GUCY1A2: variants seen among roughly 807,000 people sequenced by gnomAD.
The protein encoded by GUCY1A2 is guanylate cyclase 1 soluble subunit alpha 2.
A neutral mutation model predicts 63.5 loss-of-function variants in GUCY1A2; 27 were observed. That is an observed-to-expected ratio of 0.43 (90% CI 0.31 to 0.59). The LOEUF (loss-of-function observed/expected upper bound fraction) is 0.59. Ranked by LOEUF, GUCY1A2 falls within the 20% of genes least tolerant of loss-of-function variation. GUCY1A2 has a pLI of 0.11. For missense variants in GUCY1A2, 768 were observed against 913.3 expected, an observed-to-expected ratio of 0.84 and a Z score of 2.05; for synonymous variants, 364 against 343.5, an observed-to-expected ratio of 1.06 and a Z score of -0.66.
chr11:106,741,206 G>A (rs1863689007), intron 6 of GUCY1A2, among the ~76,000 whole-genome samples: 1 of 152,206 alleles, frequency 6.6e-6, no homozygotes, highest in African/African-American at 2.4e-5. Flanking sequence ...AGTTCAAACT[G>A]TAATCAAATT....
chr11:106,925,189 C>G (rs892585039), intron 4 of GUCY1A2, among the ~76,000 whole-genome samples: 3 of 151,684 alleles, frequency 2.0e-5, no homozygotes, highest in Non-Finnish European at 2.9e-5. Context: ...GAAAGAAAGA[C>G]AGAGAGAGAG....
At chr11:106,953,038 T>C (rs1484477298) in intron 3 of GUCY1A2, among the ~76,000 whole-genome samples, 3 of 152,200 alleles carry the variant, frequency 2.0e-5, no homozygotes, top group Non-Finnish European at 2.9e-5. Flanking sequence ...TCTTGCCTGA[T>C]TGCCCTGGCC....
At chr11:106,956,509 CTTGT>C (rs969005329) in intron 3 of GUCY1A2, among the ~76,000 whole-genome samples, 16 of 152,036 alleles carry the variant, frequency 1.1e-4, no homozygotes, top group African/African-American at 3.9e-4. Context: ...TCACTTTCTG[CTTGT>C]TTTTCTTTCA....
intron 5 of GUCY1A2, among the ~76,000 whole-genome samples, chr11:106,796,028 C>A (rs1019696698): frequency 6.6e-6 from 1 of 152,136 alleles, no homozygotes; most frequent in Non-Finnish European, 1.5e-5. Context: ...ATAGTTAGCT[C>A]TTCTTGTTGA....
At chr11:106,774,242 C>T (rs1864314164) in intron 6 of GUCY1A2, among the ~76,000 whole-genome samples, 1 of 152,008 alleles carries the variant, frequency 6.6e-6, no homozygotes, top group South Asian at 2.1e-4. Flanking sequence ...ACGCCATTCT[C>T]TGCCTCAGCC....
At chr11:106,892,115 G>A (rs190073428) in intron 4 of GUCY1A2, among the ~76,000 whole-genome samples, 1 of 151,960 alleles carries the variant, frequency 6.6e-6, no homozygotes, top group African/African-American at 2.4e-5. Flanking sequence ...ATTATTTTAG[G>A]TATTGGCATC....
chr11:106,722,629 G>A (rs1305712830), intron 6 of GUCY1A2, among the ~76,000 whole-genome samples: 4 of 152,018 alleles, frequency 2.6e-5, no homozygotes. Flanking sequence ...AAGCTCTGAA[G>A]TTTGAAATAA....
At chr11:106,938,265 T>A (rs1005543318) in intron 4 of GUCY1A2, among the ~76,000 whole-genome samples, 24 of 152,202 alleles carry the variant, frequency 1.6e-4, no homozygotes, top group Middle Eastern at 3.4e-3. Flanking sequence ...ATATTTTTTT[T>A]AAAAAACTTT....
chr11:106,784,930 A>G (rs981281995), intron 5 of GUCY1A2, among the ~76,000 whole-genome samples: 2 of 152,222 alleles, frequency 1.3e-5, no homozygotes, highest in Non-Finnish European at 2.9e-5. Flanking sequence ...ATGGGCATTA[A>G]TCTGTCATAT....
intron 5 of GUCY1A2, among the ~76,000 whole-genome samples, chr11:106,778,767 A>C (rs1365347922): frequency 6.6e-6 from 1 of 152,146 alleles, no homozygotes; most frequent in East Asian, 1.9e-4. Context: ...TATTTATTGA[A>C]TATTTGCTAA....
At chr11:106,961,639 T>G (rs1199841496) in intron 3 of GUCY1A2, among the ~76,000 whole-genome samples, 1 of 152,236 alleles carries the variant, frequency 6.6e-6, no homozygotes, top group Non-Finnish European at 1.5e-5. Context: ...AAAATGCTTC[T>G]TAAGTGTGCT....
rs532175715 is a variant in GUCY1A2 at position 106,847,241 on chromosome 11, A to T, written c.1207-36763T>A. Among the ~76,000 whole-genome samples, 1,207 of 143,556 alleles carry T rather than the reference A, an allele frequency of 8.4e-3. 13 individuals carry two copies. Among genetic ancestry groups the T allele is most frequent in the African/African-American group, 0.025 (992 of 39,546 alleles). The allele number at this position is 143,556 out of a possible 152,430, so 94.2% of individuals were successfully genotyped here. A position where few individuals can be genotyped will look rare whatever the true frequency, so the allele number is the denominator to read the frequency against. On this transcript the variant is annotated intron_variant, in intron 4 of 7. Coordinates refer to ENST00000526355, the MANE Select transcript of GUCY1A2 (RefSeq NM_000855.3). ...TGATATTGCAAAACTCAAAAAAAAA[A>T]ATATATATATATATATAAAAAATTG... is the stretch of plus-strand genomic sequence containing the variant.
Position 106,676,750 on chromosome 11 carries a change from A to ATT in GUCY1A2, c.*10797_*10798dup. The ATT allele has an allele frequency of 1.6e-5, 3 of 188,254 alleles. No homozygotes were observed. Among genetic ancestry groups the ATT allele is most frequent in the East Asian group, 8.6e-5 (1 of 11,636 alleles). The allele number at this position is 188,254 out of a possible 1,614,324, so 11.7% of individuals were successfully genotyped here. On this transcript the variant is annotated 3_prime_UTR_variant, in exon 8 of 8. Coordinates refer to ENST00000526355, the MANE Select transcript of GUCY1A2 (RefSeq NM_000855.3). The stretch of plus-strand genomic sequence containing the variant: ...CAATTTCCCTACAAACAGAAAAAGC[A>ATT]TTTTTTTTTTCTATTTCAGTCTTTA...
Position 106,925,930 on chromosome 11 carries a change from T to C in GUCY1A2, c.1206+13530A>G, listed in dbSNP as rs573571358. Among the ~76,000 whole-genome samples, 32 of 152,306 alleles carry C rather than the reference T, an allele frequency of 2.1e-4. 1 individual carries two copies. The South Asian group carries it at 3.7e-3, about 18-fold the overall frequency. On this transcript the variant is annotated intron_variant, in intron 4 of 7. Coordinates refer to ENST00000526355, the MANE Select transcript of GUCY1A2 (RefSeq NM_000855.3). Reference sequence around the variant, plus strand: ...TGAAATAAACCATTCGTTCTGGTGATAGCAATCTCTGATTAGGGTAAGGGG... The same window carrying C: ...TGAAATAAACCATTCGTTCTGGTGACAGCAATCTCTGATTAGGGTAAGGGG...
intron 4 of GUCY1A2, among the ~76,000 whole-genome samples, chr11:106,918,612 A>G (rs948478998): frequency 3.4e-5 from 5 of 145,538 alleles, no homozygotes; most frequent in African/African-American, 1.2e-4. Flanking sequence ...TTAATTTCAA[A>G]TTCACAAAAA....
Position 106,728,609 on chromosome 11 carries a change from C to T in GUCY1A2, c.1837-19943G>A, listed in dbSNP as rs149264722. On this transcript the variant is annotated intron_variant, in intron 6 of 7. Transcript: ENST00000526355. ...CTAGCTCTCTACTCAAGCCTTGCAG[C>T]ATGGGTGATTTAAATGCATGCATGC... Among the ~76,000 whole-genome samples, 381 of 152,268 alleles carry T rather than the reference C, an allele frequency of 2.5e-3. 2 individuals carry two copies. Among genetic ancestry groups the T allele is most frequent in the African/African-American group, 8.9e-3 (369 of 41,558 alleles).
chr11:106,815,610 A>G (rs1029842473), intron 4 of GUCY1A2, among the ~76,000 whole-genome samples: 1 of 152,078 alleles, frequency 6.6e-6, no homozygotes, highest in African/African-American at 2.4e-5. Flanking sequence ...GAAAAGGAAC[A>G]GAAGGACTAG....
chr11:106,932,023 AT>A (rs993616298), intron 4 of GUCY1A2, among the ~76,000 whole-genome samples: 3 of 151,456 alleles, frequency 2.0e-5, no homozygotes, highest in South Asian at 4.2e-4. Context: ...GAAAACATGT[AT>A]TTTTTTTTCA....
intron 5 of GUCY1A2, among the ~76,000 whole-genome samples, chr11:106,788,877 A>G (rs565089957): frequency 6.4e-4 from 98 of 152,180 alleles, no homozygotes; most frequent in African/African-American, 2.3e-3. Flanking sequence ...AGTTTTAGCT[A>G]TTCTGGGTCT....
Sources: allele counts gnomAD v4.1 joint callset (sites outside exome capture counted in the v4.1 genomes callset), GRCh38; gene constraint gnomAD v4.1.1; transcripts MANE v1.5; gene names NCBI Gene and HGNC (gene_info 2026-07-23, HGNC 2026-07-21).